Variants in LRMDA observed in about 807,000 individuals in gnomAD.
LRMDA encodes the protein leucine rich melanocyte differentiation associated.
LRMDA carries 18 observed loss-of-function variants against 29.8 expected under a neutral mutation model. The observed-to-expected ratio is 0.60, with a 90% CI of 0.42 to 0.90. The LOEUF is 0.90. Among genes scored for constraint, LRMDA ranks in the 40% least tolerant of loss-of-function variants. LRMDA has a pLI of 0.00. For synonymous variants in LRMDA, 125 were observed against 109.4 expected (o/e 1.14, Z -0.89); for missense variants, 273 against 273.9 (o/e 1.00, Z 0.02).
At chr10:75,791,443 A>C (rs577754453) in intron 2 of LRMDA, among the ~76,000 whole-genome samples, 2 of 152,246 alleles carry the variant, frequency 1.3e-5, no homozygotes, top group South Asian at 4.1e-4. Context: ...GCCATTTATC[A>C]TCAATAAATA....
At chr10:75,674,300 C>A (rs11001459) in intron 2 of LRMDA, among the ~76,000 whole-genome samples, 24,767 of 152,030 alleles carry the variant, frequency 0.16, 5,031 homozygotes, top group African/African-American at 0.47. Context: ...TCTGGGCAAC[C>A]CGCACAACAC....
intron 6 of LRMDA, among the ~76,000 whole-genome samples, chr10:76,390,745 A>G (rs1841713986): frequency 6.6e-6 from 1 of 151,912 alleles, no homozygotes; most frequent in Admixed American, 6.6e-5. Flanking sequence ...GGAACCTTGG[A>G]CTCTGCTCCA....
chr10:75,442,244 T>A (rs1165954978), intron 2 of LRMDA, among the ~76,000 whole-genome samples: 1 of 152,212 alleles, frequency 6.6e-6, no homozygotes, highest in African/African-American at 2.4e-5. Flanking sequence ...ACATATCCCT[T>A]ACTTCACACA....
intron 2 of LRMDA, among the ~76,000 whole-genome samples, chr10:75,675,239 T>C (rs1383192062): frequency 6.6e-6 from 1 of 152,198 alleles, no homozygotes; most frequent in Non-Finnish European, 1.5e-5. Context: ...GGGAGTGGTA[T>C]TGTGTGAGCA....
intron 3 of LRMDA, 50 bp from the exon 4 acceptor site, chr10:76,047,114 C>T (rs761748628): frequency 1.2e-6 from 2 of 1,606,902 alleles, no homozygotes. Flanking sequence ...GGCCTATGCT[C>T]ATTGCTAAGC....
At chr10:75,790,164 G>A (rs1843540737) in intron 2 of LRMDA, among the ~76,000 whole-genome samples, 1 of 152,098 alleles carries the variant, frequency 6.6e-6, no homozygotes, top group African/African-American at 2.4e-5. Flanking sequence ...ATTCTGTGTT[G>A]TGGGGGCCGT....
intron 2 of LRMDA, among the ~76,000 whole-genome samples, chr10:75,676,044 G>T (rs1444653570): frequency 6.6e-6 from 1 of 152,130 alleles, no homozygotes; most frequent in Admixed American, 6.5e-5. Context: ...GGAGAGTTTT[G>T]GTTGGTGTCA....
At chr10:75,465,628 G>A (rs143083612) in intron 2 of LRMDA, among the ~76,000 whole-genome samples, 7 of 152,298 alleles carry the variant, frequency 4.6e-5, no homozygotes, top group East Asian at 1.9e-4. Context: ...CGAATGCAGC[G>A]CATTTGTAGA....
At chr10:75,937,712 C>T (rs1589259627) in intron 2 of LRMDA, among the ~76,000 whole-genome samples, 2 of 152,176 alleles carry the variant, frequency 1.3e-5, no homozygotes, top group African/African-American at 4.8e-5. Context: ...ACTTCACTTC[C>T]ACCTGGGGCT....
chr10:75,846,221 G>A (rs1844635679), intron 2 of LRMDA, among the ~76,000 whole-genome samples: 1 of 144,910 alleles, frequency 6.9e-6, no homozygotes, highest in Non-Finnish European at 1.5e-5. Flanking sequence ...GTGTGTATGA[G>A]CTTTTCTCTT....
intron 5 of LRMDA, among the ~76,000 whole-genome samples, chr10:76,227,372 GA>G (rs1851978394): frequency 6.6e-6 from 1 of 152,066 alleles, no homozygotes; most frequent in East Asian, 1.9e-4. Flanking sequence ...TCTTAAAGTA[GA>G]AAGTTTCTCT....
chr10:75,458,195 A>G (rs1373795960), intron 2 of LRMDA, among the ~76,000 whole-genome samples: 1 of 152,242 alleles, frequency 6.6e-6, no homozygotes, highest in African/African-American at 2.4e-5. Context: ...TAGAAGATAT[A>G]CTGAAAGAGT....
intron 5 of LRMDA, among the ~76,000 whole-genome samples, chr10:76,075,114 C>CA (rs1362082026): frequency 1.3e-5 from 2 of 152,122 alleles, no homozygotes; most frequent in Non-Finnish European, 2.9e-5. Flanking sequence ...TTCATAACTG[C>CA]AAAAAAGCCT....
chr10:76,235,865 A>G (rs1175893096), intron 5 of LRMDA, among the ~76,000 whole-genome samples: 1 of 152,228 alleles, frequency 6.6e-6, no homozygotes, highest in Non-Finnish European at 1.5e-5. Flanking sequence ...TTACTAATGT[A>G]GATTTCCTTT....
At chr10:76,389,183 T>C (rs1201636145) in intron 6 of LRMDA, among the ~76,000 whole-genome samples, 1 of 152,152 alleles carries the variant, frequency 6.6e-6, no homozygotes, top group African/African-American at 2.4e-5. Flanking sequence ...AAATGCCTCA[T>C]GAAGGGAGAA....
chr10:75,876,135 G>C (rs1845194328), intron 2 of LRMDA, among the ~76,000 whole-genome samples: 1 of 152,240 alleles, frequency 6.6e-6, no homozygotes, highest in Non-Finnish European at 1.5e-5. Flanking sequence ...TTGGAGGGCA[G>C]TGATTGGACC....
intron 5 of LRMDA, among the ~76,000 whole-genome samples, chr10:76,222,755 C>G (rs1423324616): frequency 6.6e-6 from 1 of 152,170 alleles, no homozygotes; most frequent in Admixed American, 6.5e-5. Context: ...ACCCAGCCAT[C>G]CCATTACTGG....
chr10:75,489,696 G>C (rs369489041), intron 2 of LRMDA, among the ~76,000 whole-genome samples: 2 of 152,168 alleles, frequency 1.3e-5, no homozygotes, highest in Admixed American at 6.5e-5. Flanking sequence ...TTATCACCAG[G>C]AAGTGTTAGA....
chr10:75,814,783 A>G (rs1379931623), intron 2 of LRMDA, among the ~76,000 whole-genome samples: 2 of 152,222 alleles, frequency 1.3e-5, no homozygotes, highest in African/African-American at 2.4e-5. Context: ...CACACTTAAG[A>G]TGCGTGTTAG....
Sources: allele counts gnomAD v4.1 joint callset (sites outside exome capture counted in the v4.1 genomes callset), GRCh38; gene constraint gnomAD v4.1.1; transcripts MANE v1.5; gene names NCBI Gene and HGNC (gene_info 2026-07-23, HGNC 2026-07-21).